ADAM9: variants seen among roughly 807,000 people sequenced by gnomAD.
ADAM9 encodes the protein disintegrin and metalloproteinase domain-containing protein 9.
A neutral mutation model predicts 108.1 loss-of-function variants in ADAM9; 54 were observed. The observed-to-expected ratio is 0.50, with a 90% CI of 0.40 to 0.63. The LOEUF is 0.63. ADAM9 is among the 20% of genes least tolerant of loss of function. The pLI, the probability that ADAM9 is intolerant of heterozygous loss-of-function variation, is 0.00. For missense variants in ADAM9, 830 were observed against 997.7 expected, an observed-to-expected ratio of 0.83 and a Z score of 2.26; for synonymous variants, 316 against 336.0, an observed-to-expected ratio of 0.94 and a Z score of 0.65.
intron 12 of ADAM9, among the ~76,000 whole-genome samples, chr8:39,046,501 T>C (rs1837779753): frequency 6.6e-6 from 1 of 152,216 alleles, no homozygotes; most frequent in Non-Finnish European, 1.5e-5. Context: ...CTAAGTTGAA[T>C]AGAAGTGGCG....
intron 11 of ADAM9, among the ~76,000 whole-genome samples, chr8:39,030,740 C>T (rs1837071529): frequency 6.6e-6 from 1 of 152,218 alleles, no homozygotes; most frequent in Non-Finnish European, 1.5e-5. Context: ...TGCTGTTGCT[C>T]TACATCTTTG....
intron 8 of ADAM9, among the ~76,000 whole-genome samples, chr8:39,021,969 C>T (rs1425501497): frequency 6.6e-6 from 1 of 151,922 alleles, no homozygotes; most frequent in East Asian, 1.9e-4. Context: ...GGCTTAGGTG[C>T]TTTGGCATTT....
chr8:39,022,380 T>C (rs949966453), intron 8 of ADAM9, among the ~76,000 whole-genome samples: 3 of 152,142 alleles, frequency 2.0e-5, no homozygotes, highest in African/African-American at 7.2e-5. Context: ...AAACCTCTGA[T>C]GTACCTGTGA....
At chr8:39,075,309 T>C (rs899509856) in intron 15 of ADAM9, among the ~76,000 whole-genome samples, 6 of 152,212 alleles carry the variant, frequency 3.9e-5, no homozygotes, top group Non-Finnish European at 8.8e-5. Flanking sequence ...GGTAGTCTTA[T>C]TAATATTAGT....
intron 11 of ADAM9, among the ~76,000 whole-genome samples, chr8:39,030,921 C>A (rs537389668): frequency 1.3e-5 from 2 of 152,224 alleles, no homozygotes; most frequent in East Asian, 1.9e-4. Flanking sequence ...ATTGTTTAAT[C>A]AGATTGTTTC....
chr8:39,043,154 A>G (rs1189361362), intron 12 of ADAM9, among the ~76,000 whole-genome samples: 1 of 152,138 alleles, frequency 6.6e-6, no homozygotes, highest in Non-Finnish European at 1.5e-5. Flanking sequence ...GTATGTATGT[A>G]CATTTTCTTT....
chr8:39,025,974 A>G, intron 10 of ADAM9, 90 bp downstream of exon 10: 1 of 1,343,604 alleles, frequency 7.4e-7, no homozygotes, highest in Non-Finnish European at 1.1e-6. Flanking sequence ...CTGGTCCTTA[A>G]AACAATATTT....
rs867354995 is a variant in ADAM9, at chr8:39,099,882, T to G, written c.2299-1981T>G. ...TTTTGGGGTATCGTGTTTGTTTTTTTTTTTTTTTTTTTTTTGAGATGGAGT... is the reference window on the plus strand; with the variant it reads ...TTTTGGGGTATCGTGTTTGTTTTTTGTTTTTTTTTTTTTTTGAGATGGAGT... On this transcript the variant is annotated intron_variant, in intron 20 of 21. Transcript: ENST00000487273. 9.9e-3 allele frequency among the ~76,000 whole-genome samples: 1,426 copies of G among 144,106 alleles called. 21 individuals are homozygous for G. The highest frequency in any genetic ancestry group is 0.034 in the African/African-American group (1,332 of 39,056). 94.5% of individuals were successfully genotyped at this position (144,106 alleles called of 152,430 possible).
intron 15 of ADAM9, among the ~76,000 whole-genome samples, chr8:39,073,358 A>G (rs1161746183): frequency 6.6e-6 from 1 of 152,222 alleles, no homozygotes; most frequent in East Asian, 1.9e-4. Flanking sequence ...AGGTGCATAC[A>G]CAATTAGGAT....
intron 4 of ADAM9, chr8:39,015,173 A>C (rs187813529): frequency 6.6e-6 from 1 of 152,270 alleles, no homozygotes; most frequent in Non-Finnish European, 1.5e-5. Context: ...TTATTTGCTG[A>C]TGAAGCTACT....
chr8:39,010,965 C>T (rs1005302751), intron 2 of ADAM9, among the ~76,000 whole-genome samples: 12 of 151,710 alleles, frequency 7.9e-5, no homozygotes, highest in African/African-American at 2.9e-4. Flanking sequence ...TGTTGGTGGA[C>T]GCCTGTAATC....
chr8:39,043,097 C>T (rs991658685), intron 12 of ADAM9, among the ~76,000 whole-genome samples: 3 of 152,066 alleles, frequency 2.0e-5, no homozygotes, highest in African/African-American at 7.2e-5. Flanking sequence ...GACAAGATTT[C>T]CTTCTTTTTT....
At chr8:39,051,876 A>C (rs541846228) in intron 12 of ADAM9, among the ~76,000 whole-genome samples, 3 of 152,034 alleles carry the variant, frequency 2.0e-5, no homozygotes, top group Non-Finnish European at 2.9e-5. Flanking sequence ...AGTGTTTTCT[A>C]TTGTAAACAG....
intron 2 of ADAM9, among the ~76,000 whole-genome samples, chr8:39,009,964 A>ACCGC (rs1554572508): frequency 7.5e-5 from 8 of 106,582 alleles, no homozygotes; most frequent in African/African-American, 2.8e-4. Context: ...ACAAAAACAA[A>ACCGC]CCCCCCCCCC....
intron 6 of ADAM9, among the ~76,000 whole-genome samples, chr8:39,017,692 A>C (rs746682153): frequency 1.3e-5 from 2 of 152,188 alleles, no homozygotes; most frequent in African/African-American, 4.8e-5. Context: ...AGCTCAAGCA[A>C]TCCTCCTGCC....
chr8:39,063,798 A>G (rs1054115896), intron 14 of ADAM9, among the ~76,000 whole-genome samples: 2 of 152,152 alleles, frequency 1.3e-5, no homozygotes, highest in East Asian at 1.9e-4. Flanking sequence ...ACATGTCCTC[A>G]TTTCAACTTT....
intron 16 of ADAM9, among the ~76,000 whole-genome samples, chr8:39,079,021 G>C (rs1475568444): frequency 1.3e-5 from 2 of 152,190 alleles, no homozygotes; most frequent in East Asian, 3.8e-4. Context: ...GACGAGGTGA[G>C]AGAAAACAGG....
At chr8:39,045,050 ATGTGTGTGTGCATACATACATATG>A (rs1837599632) in intron 12 of ADAM9, among the ~76,000 whole-genome samples, 1 of 16,436 alleles carries the variant, frequency 6.1e-5, no homozygotes, top group East Asian at 6.7e-3. Flanking sequence ...ATGTATGTGT[ATGTGTGTGTGCATACATACATATG>A]TGTGTGTGCA....
intron 8 of ADAM9, 97 bp from the exon 9 acceptor site, chr8:39,023,059 G>A (rs1374484853): frequency 2.8e-6 from 3 of 1,088,122 alleles, no homozygotes; most frequent in East Asian, 2.6e-5. Flanking sequence ...TTAGGCAGGG[G>A]AGTTTTAATT....
Sources: gnomAD v4.1 joint callset for allele counts (sites outside exome capture counted in the v4.1 genomes callset) on GRCh38, gnomAD v4.1.1 for gene constraint, MANE v1.5 for transcripts, NCBI Gene and HGNC (gene_info 2026-07-23, HGNC 2026-07-21) for gene names.